The following ULK4 variants were observed in gnomAD, a reference collection of about 807,000 sequenced individuals.
The protein encoded by ULK4 is inactive serine/threonine-protein kinase ULK4.
A neutral mutation model predicts 160.6 loss-of-function variants in ULK4; 133 were observed. The observed-to-expected ratio is 0.83, with a 90% CI of 0.72 to 0.96. ULK4 has a LOEUF of 0.96. Ranked by LOEUF, ULK4 falls within the 40% of genes least tolerant of loss-of-function variation. The pLI is 0.00. For synonymous variants in ULK4, 534 were observed against 539.8 expected (o/e 0.99, Z 0.15); for missense variants, 1,580 against 1,499.5 (o/e 1.05, Z -0.89).
intron 17 of ULK4, among the ~76,000 whole-genome samples, chr3:41,839,913 TA>T (rs919631924): frequency 6.6e-6 from 1 of 152,108 alleles, no homozygotes; most frequent in African/African-American, 2.4e-5. Context: ...CAATGCTATT[TA>T]AAAAAATCAA....
intron 32 of ULK4, among the ~76,000 whole-genome samples, chr3:41,558,789 CTT>C (rs962171961): frequency 2.0e-5 from 3 of 151,540 alleles, no homozygotes; most frequent in African/African-American, 7.3e-5. Flanking sequence ...AGAACAGTGA[CTT>C]GGTAATTTTA....
At position 41,533,271 on chromosome 3, in the gene ULK4, T is replaced by G. The variant is rs116287157; in HGVS notation, c.3226+32754A>C. 4.5e-3 allele frequency among the ~76,000 whole-genome samples: 678 copies of G among 152,300 alleles called. 8 individuals carry two copies. Among genetic ancestry groups the G allele is most frequent in the African/African-American group, 0.016 (651 of 41,568 alleles). On this transcript the variant is annotated intron_variant, in intron 32 of 36. Coordinates refer to ENST00000301831, the MANE Select transcript of ULK4 (RefSeq NM_017886.4). ...TTATTTTAAGTCGCTTAGCTTTGGA[T>G]GGTTTATTATGTAGGAGAAGTTATT...
chr3:41,611,653 T>C, intron 31 of ULK4, among the ~76,000 whole-genome samples: 1 of 151,314 alleles, frequency 6.6e-6, no homozygotes, highest in Non-Finnish European at 1.5e-5. Context: ...TTCCAGTACA[T>C]GCCCATGACC....
chr3:41,689,636 G>A (rs1415134342), intron 27 of ULK4, among the ~76,000 whole-genome samples: 1 of 152,184 alleles, frequency 6.6e-6, no homozygotes, highest in South Asian at 2.1e-4. Context: ...CAAAGGACAT[G>A]AATACACACT....
At chr3:41,847,729 C>G (rs1469344269) in intron 17 of ULK4, among the ~76,000 whole-genome samples, 2 of 152,100 alleles carry the variant, frequency 1.3e-5, no homozygotes, top group Admixed American at 1.3e-4. Flanking sequence ...AATCCCCACT[C>G]CTTTTTTAAT....
At chr3:41,261,937 G>A (rs2125677470) in intron 35 of ULK4, among the ~76,000 whole-genome samples, 1 of 152,302 alleles carries the variant, frequency 6.6e-6, no homozygotes, top group South Asian at 2.1e-4. Flanking sequence ...AGCCACTGTG[G>A]GCCATTATCT....
intron 32 of ULK4, among the ~76,000 whole-genome samples, chr3:41,560,008 A>G (rs1253821413): frequency 6.6e-6 from 1 of 152,198 alleles, no homozygotes; most frequent in Non-Finnish European, 1.5e-5. Flanking sequence ...TAAGTCTAAC[A>G]TTTAAGTCTT....
At chr3:41,405,252 T>C (rs1170848936) in intron 34 of ULK4, among the ~76,000 whole-genome samples, 1 of 152,172 alleles carries the variant, frequency 6.6e-6, no homozygotes, top group African/African-American at 2.4e-5. Flanking sequence ...CCTGTGTTAA[T>C]TCACTTAGGA....
intron 22 of ULK4, among the ~76,000 whole-genome samples, chr3:41,728,453 T>C (rs564243435): frequency 1.3e-5 from 2 of 152,244 alleles, no homozygotes; most frequent in East Asian, 3.9e-4. Flanking sequence ...TGAGAACTAA[T>C]GGAGCAAGGA....
chr3:41,754,414 A>C lies in ULK4; in HGVS notation c.2268T>G (p.Leu756=), dbSNP rs1452684743. ...CACGGTTATAAATCAAAATATATAG[A>C]AGAACCAGGAAGGCTTTTGCTCTAA... ...TCIRAKAFLV[L]LYILIYNREM... The change falls in exon 22 of 37, where the codon CTT becomes CTG. Residue 756 remains leucine (L), a synonymous_variant. Coordinates refer to ENST00000301831, the MANE Select transcript of ULK4 (RefSeq NM_017886.4). 3 of 1,613,772 alleles carry C rather than the reference A, an allele frequency of 1.9e-6. No homozygotes were observed. In the Admixed American group the frequency reaches 5.0e-5, roughly 27 times the overall value.
rs34582395 is a variant in ULK4 at position 41,746,272 on chromosome 3, CAAAAAAAA to C, written c.2321+8081_2321+8088del. Among the ~76,000 whole-genome samples, 315 of 45,750 alleles carry C rather than the reference CAAAAAAAA, an allele frequency of 6.9e-3. 3 individuals carry two copies. The highest frequency in any genetic ancestry group is 9.4e-3 in the Non-Finnish European group (236 of 25,040). 30.0% of individuals were successfully genotyped at this position (45,750 alleles called of 152,430 possible). ...TATATAGAAAATCTCCTGGAACCCA[CAAAAAAAA>C]AAAAAAAAAAAAAAAACCACCTACA... is the stretch of plus-strand genomic sequence containing the variant. On this transcript the variant is annotated intron_variant, in intron 22 of 36. Transcript: ENST00000301831.
intron 35 of ULK4, among the ~76,000 whole-genome samples, chr3:41,249,989 C>A (rs186391601): frequency 1.3e-5 from 2 of 152,354 alleles, no homozygotes; most frequent in East Asian, 3.9e-4. Context: ...AACATGATCT[C>A]TTTCACGTGG....
chr3:41,949,818 C>G (rs1472409905), intron 2 of ULK4, among the ~76,000 whole-genome samples: 1 of 151,730 alleles, frequency 6.6e-6, no homozygotes, highest in Non-Finnish European at 1.5e-5. Context: ...CTCACTGCAA[C>G]CTCGACCTCC....
intron 30 of ULK4, among the ~76,000 whole-genome samples, chr3:41,624,467 T>A (rs2033396663): frequency 6.6e-6 from 1 of 152,088 alleles, no homozygotes; most frequent in South Asian, 2.1e-4. Context: ...CTTAATTCCT[T>A]CTTAAGAACT....
intron 34 of ULK4, among the ~76,000 whole-genome samples, chr3:41,449,666 C>T (rs1236195588): frequency 1.3e-5 from 2 of 151,846 alleles, no homozygotes; most frequent in East Asian, 3.9e-4. Context: ...TACAAGTCCA[C>T]CACCATTTGA....
chr3:41,692,968 A>G (rs1325692467), intron 27 of ULK4, among the ~76,000 whole-genome samples: 2 of 152,216 alleles, frequency 1.3e-5, no homozygotes, highest in Non-Finnish European at 2.9e-5. Context: ...TCTGTGACTT[A>G]GGAATGCTAA....
intron 31 of ULK4, among the ~76,000 whole-genome samples, chr3:41,596,787 G>A (rs73830284): frequency 5.3e-5 from 8 of 152,264 alleles, no homozygotes; most frequent in African/African-American, 1.9e-4. Flanking sequence ...CCAAAGTGCA[G>A]GATGGACCAT....
At chr3:41,776,556 C>T (rs1458001688) in intron 21 of ULK4, among the ~76,000 whole-genome samples, 1 of 150,676 alleles carries the variant, frequency 6.6e-6, no homozygotes, top group African/African-American at 2.5e-5. Flanking sequence ...AAAATGATCT[C>T]TGAGGTAAGT....
intron 21 of ULK4, among the ~76,000 whole-genome samples, chr3:41,755,267 G>A (rs1241205055): frequency 2.6e-5 from 4 of 152,096 alleles, no homozygotes; most frequent in African/African-American, 9.7e-5. Context: ...GTGTGTCCAA[G>A]ACAGATTTAA....
Sources: allele counts gnomAD v4.1 joint callset (sites outside exome capture counted in the v4.1 genomes callset), GRCh38; gene constraint gnomAD v4.1.1; transcripts MANE v1.5; gene names NCBI Gene and HGNC (gene_info 2026-07-23, HGNC 2026-07-21).